Variants in ROPN1L observed in about 807,000 individuals in gnomAD.
The protein encoded by ROPN1L is rhophilin associated tail protein 1 like, also known as ropporin-1-like protein.
In ROPN1L, 23 loss-of-function variants were observed where a neutral mutation model predicts 22.7. The ratio of observed to expected loss-of-function variants is 1.01; its 90% CI spans 0.73 to 1.43. ROPN1L has a LOEUF of 1.43. Among genes scored for constraint, ROPN1L ranks in the 40% most tolerant of loss-of-function variants. ROPN1L has a pLI of 0.00. For synonymous variants in ROPN1L, 116 were observed against 117.8 expected, an observed-to-expected ratio of 0.98 and a Z score of 0.10; for missense variants, 271 against 291.5, an observed-to-expected ratio of 0.93 and a Z score of 0.51.
chr5:10,469,077 C>T (rs1223076517), downstream of ROPN1L, among the ~76,000 whole-genome samples: 2 of 152,112 alleles, frequency 1.3e-5, no homozygotes, highest in Non-Finnish European at 2.9e-5. Context: ...ATGGCGTGAA[C>T]CTGGGAGGCG....
downstream of ROPN1L, among the ~76,000 whole-genome samples, chr5:10,465,607 T>G (rs1316338277): frequency 6.6e-6 from 1 of 151,996 alleles, no homozygotes; most frequent in Non-Finnish European, 1.5e-5. Context: ...CCCAGCACTT[T>G]GGGAGGCTAA....
intron 3 of ROPN1L, among the ~76,000 whole-genome samples, chr5:10,454,601 A>G (rs1002560616): frequency 6.6e-6 from 1 of 152,220 alleles, no homozygotes; most frequent in African/African-American, 2.4e-5. Flanking sequence ...TGTCATGATC[A>G]AAACAAATCA....
At chr5:10,450,180 GGTTTCAGTAACTAAAGGAAACACTTTA>G (rs1741210445) in intron 3 of ROPN1L, 67 bp downstream of exon 3, 1 of 1,344,444 alleles carries the variant, frequency 7.4e-7, no homozygotes, top group Non-Finnish European at 1.0e-6. Flanking sequence ...AAATAATTTA[GGTTTCAGTAACTAAAGGAAACACTTTA>G]GTAACTTTGT....
At position 10,464,884 on chromosome 5, in the gene ROPN1L, TTTC is replaced by T; in HGVS notation, c.636_638del (p.Phe213del). 2 of 1,607,458 alleles carry T rather than the reference TTTC, an allele frequency of 1.2e-6. No individual in the cohort carries two copies. Among genetic ancestry groups the T allele is most frequent in the Non-Finnish European group, 1.7e-6 (2 of 1,177,664 alleles). ...AGAACGGCATGATAGGTCTTTCAGA[TTTC>T]TTCTTTCCAAAGAGGAAACTTTTAG... is the stretch of plus-strand genomic sequence containing the variant. On this transcript the variant is annotated inframe_deletion, in exon 5 of 5. Transcript: ENST00000274134.
In ROPN1L at chr5:10,461,174, G is replaced by A. The variant is rs1377072925; in HGVS notation, c.418-10G>A. 4 of 1,606,452 alleles carry A rather than the reference G, an allele frequency of 2.5e-6. No homozygotes were observed. The highest frequency in any genetic ancestry group is 2.2e-5 in the East Asian group (1 of 44,686). On this transcript the variant is annotated splice_polypyrimidine_tract_variant and intron_variant, in intron 3 of 4. Coordinates refer to ENST00000274134, the MANE Select transcript of ROPN1L (RefSeq NM_031916.5). The stretch of plus-strand genomic sequence containing the variant: ...CTGTTTTTCTCCCCACCTGGCTGTG[G>A]TGCTCCCAGTCCTTGAACACTGCGC...
chr5:10,462,412 G>A (rs1735051500), intron 4 of ROPN1L, among the ~76,000 whole-genome samples: 1 of 152,212 alleles, frequency 6.6e-6, no homozygotes, highest in South Asian at 2.1e-4. Flanking sequence ...GGCCATCAGC[G>A]AAAGCAAGCA....
At chr5:10,458,766 C>CTG (rs1734925271) in intron 3 of ROPN1L, among the ~76,000 whole-genome samples, 2 of 88,568 alleles carry the variant, frequency 2.3e-5, no homozygotes, top group African/African-American at 8.1e-5. Context: ...GTACACCATC[C>CTG]CCTCGTGTAC....
rs75329201 is a variant in ROPN1L, at chr5:10,460,404, A to T, written c.418-780A>T. ...CCATGCAGCCTCTGGTCTCATGAAGACGACCTTGGCCTGTTAGCTGCCCCC... is the reference window on the plus strand; with the variant it reads ...CCATGCAGCCTCTGGTCTCATGAAGTCGACCTTGGCCTGTTAGCTGCCCCC... On this transcript the variant is annotated intron_variant, in intron 3 of 4. Coordinates refer to ENST00000274134, the MANE Select transcript of ROPN1L (RefSeq NM_031916.5). 3.9e-4 allele frequency among the ~76,000 whole-genome samples: 60 copies of T among 152,330 alleles called. No homozygotes were observed. In the East Asian group the frequency reaches 8.9e-3, roughly 23 times the overall value.
downstream of ROPN1L, among the ~76,000 whole-genome samples, chr5:10,469,502 A>T (rs183028798): frequency 1.2e-4 from 19 of 152,248 alleles, no homozygotes; most frequent in East Asian, 2.7e-3. Flanking sequence ...AAGAAAAAAA[A>T]GTTCCTGGCA....
At chr5:10,457,757 C>T (rs776302870) in intron 3 of ROPN1L, among the ~76,000 whole-genome samples, 7 of 152,184 alleles carry the variant, frequency 4.6e-5, no homozygotes, top group South Asian at 4.1e-4. Flanking sequence ...TGGAGCTGGA[C>T]AGTCCAGGCC....
intron 4 of ROPN1L, among the ~76,000 whole-genome samples, chr5:10,464,408 C>T (rs1435314757): frequency 6.6e-6 from 1 of 152,244 alleles, no homozygotes; most frequent in Non-Finnish European, 1.5e-5. Flanking sequence ...TCATGCTGGG[C>T]CCCTTCTCCT....
downstream of ROPN1L, among the ~76,000 whole-genome samples, chr5:10,468,690 C>T (rs956694473): frequency 3.9e-5 from 6 of 152,196 alleles, no homozygotes; most frequent in African/African-American, 1.4e-4. Context: ...AGGAGAACAG[C>T]AGAAACTCCC....
chr5:10,442,652 T>A (rs1346536306), intron 1 of ROPN1L, among the ~76,000 whole-genome samples: 1 of 152,270 alleles, frequency 6.6e-6, no homozygotes, highest in Non-Finnish European at 1.5e-5. Flanking sequence ...ACGGTTGCAG[T>A]CACTTTGTGA....
At chr5:10,449,106 C>T (rs1401762186) in intron 2 of ROPN1L, among the ~76,000 whole-genome samples, 3 of 152,230 alleles carry the variant, frequency 2.0e-5, no homozygotes, top group Non-Finnish European at 2.9e-5. Context: ...TTAAGGGAAG[C>T]AAAGAACTCT....
the ROPN1L span, chr5:10,479,269 A>G: frequency 6.6e-6 from 1 of 152,222 alleles, no homozygotes; most frequent in Non-Finnish European, 1.5e-5. Flanking sequence ...GACCTGGAGA[A>G]TGTAAAGACT....
In ROPN1L at chr5:10,442,158, G is replaced by T; in HGVS notation, c.-10G>T. 2 of 1,612,982 alleles carry T rather than the reference G, an allele frequency of 1.2e-6. No homozygotes were observed. The highest frequency in any genetic ancestry group is 1.7e-6 in the Non-Finnish European group (2 of 1,179,346). ...GCGATTCACCAGCCTGGTCCCTTCT[G>T]CGGAGAGCGATGCCGCTTCCCGACA... On this transcript the variant is annotated 5_prime_UTR_variant, in exon 1 of 5. Coordinates refer to ENST00000274134, the MANE Select transcript of ROPN1L (RefSeq NM_031916.5).
At position 10,442,083 on chromosome 5, in the gene ROPN1L, G is replaced by C. The variant is rs539024871; in HGVS notation, c.-85G>C. 7.1e-6 allele frequency: 11 copies of C among 1,542,966 alleles called. No individual in the cohort carries two copies. The Admixed American group carries it at 1.2e-4, about 17-fold the overall frequency. ...TGGCCGCAAGCCCCGCGCTGCTAGC[G>C]GGTCCACCGCGTCGTAGCCGACAGC... On this transcript the variant is annotated 5_prime_UTR_variant, in exon 1 of 5. Coordinates refer to ENST00000274134, the MANE Select transcript of ROPN1L (RefSeq NM_031916.5).
chr5:10,471,967 T>A (rs1233451046), exon 5 of ROPN1L: 1 of 152,208 alleles, frequency 6.6e-6, no homozygotes, highest in African/African-American at 2.4e-5. Flanking sequence ...GGCCATTCGA[T>A]GAAGACATGG....
intron 3 of ROPN1L, among the ~76,000 whole-genome samples, chr5:10,450,944 G>A (rs934600926): frequency 2.0e-5 from 3 of 152,206 alleles, no homozygotes; most frequent in Non-Finnish European, 4.4e-5. Context: ...GGAGAGGTTG[G>A]AGCTGGGATG....
Sources: allele counts gnomAD v4.1 joint callset (sites outside exome capture counted in the v4.1 genomes callset), GRCh38; gene constraint gnomAD v4.1.1; transcripts MANE v1.5; gene names NCBI Gene and HGNC (gene_info 2026-07-23, HGNC 2026-07-21).